The following BLCAP variants were observed in gnomAD, a reference collection of about 807,000 sequenced individuals.
The protein encoded by BLCAP is BLCAP apoptosis inducing factor, also known as apoptosis inducing factor BLCAP.
BLCAP carries 1 observed loss-of-function variant against 5.7 expected under a neutral mutation model. The observed-to-expected ratio is 0.18, with a 90% confidence interval of 0.06 to 0.83. The LOEUF (loss-of-function observed/expected upper bound fraction) is 0.83, where lower values mean the gene tolerates loss of function less well. Ranked by LOEUF, BLCAP falls within the 40% of genes least tolerant of loss-of-function variation. BLCAP has a pLI of 0.71. For synonymous variants in BLCAP, 48 were observed against 49.4 expected (o/e 0.97, Z 0.11); for missense variants, 66 against 107.6 (o/e 0.61, Z 1.71).
At chr20:37,526,061 C>T (rs908194285) in intron 1 of BLCAP, among the ~76,000 whole-genome samples, 1 of 152,098 alleles carries the variant, frequency 6.6e-6, no homozygotes, top group African/African-American at 2.4e-5. Flanking sequence ...ACACTGTTAC[C>T]TTTATCTGTG....
At position 37,521,593 on chromosome 20, in the gene BLCAP, C is replaced by T. The variant is rs573469256; in HGVS notation, c.-176-2243G>A. On this transcript the variant is annotated intron_variant, in intron 1 of 1. Transcript: ENST00000373537. This position sits in a 1 kb window ranked among gnomAD's most constrained non-coding sequence, Gnocchi z 4.5. ...CCTGCGCCGTCCTCCTCGCGCTGACCCTCCCTAGTGCGCCCGCGCCTGCCA... is the reference window on the plus strand; with the variant it reads ...CCTGCGCCGTCCTCCTCGCGCTGACTCTCCCTAGTGCGCCCGCGCCTGCCA... 3 of 617,174 alleles carry T rather than the reference C, an allele frequency of 4.9e-6. No individual in the cohort carries two copies. In the African/African-American group the frequency reaches 5.6e-5, roughly 11 times the overall value. 38.2% of individuals were successfully genotyped at this position (617,174 alleles called of 1,614,324 possible).
rs369908660 is a variant in BLCAP at position 37,521,166 on chromosome 20, C to T, written c.-176-1816G>A. ...GCGAATGAGGAGCGCCCCCAGCCAC[C>T]CCTCCTCATAAACACCCCCCAAGGC... is the stretch of plus-strand genomic sequence containing the variant. On this transcript the variant is annotated intron_variant, in intron 1 of 1. Transcript: ENST00000373537. The surrounding 1 kb of genome is among the most constrained non-coding windows in gnomAD (Gnocchi z 4.5). 3.0e-5 allele frequency: 21 copies of T among 696,786 alleles called. No individual in the cohort carries two copies. In the South Asian group the frequency reaches 3.5e-4, roughly 12 times the overall value. 43.2% of individuals were successfully genotyped at this position (696,786 alleles called of 1,614,324 possible).
Position 37,521,161 on chromosome 20 carries a change from G to C in BLCAP, c.-176-1811C>G. ...TCCTGGCGAATGAGGAGCGCCCCCA[G>C]CCACCCCTCCTCATAAACACCCCCC... On this transcript the variant is annotated intron_variant, in intron 1 of 1. Coordinates refer to ENST00000373537, the MANE Select transcript of BLCAP (RefSeq NM_006698.4). The surrounding 1 kb of genome is among the most constrained non-coding windows in gnomAD (Gnocchi z 4.5). The C allele has an allele frequency of 1.5e-6, 1 of 688,594 alleles. No individual in the cohort carries two copies. Among genetic ancestry groups the C allele is most frequent in the Middle Eastern group, 3.8e-4 (1 of 2,658 alleles). 42.7% of individuals were successfully genotyped at this position (688,594 alleles called of 1,614,324 possible).
chr20:37,519,665 A>G (rs1210795821), intron 1 of BLCAP, among the ~76,000 whole-genome samples: 1 of 152,190 alleles, frequency 6.6e-6, no homozygotes, highest in African/African-American at 2.4e-5. Context: ...GGCCCTGCCC[A>G]GCAGAGATCA....
chr20:37,522,739 A>C (rs780016304), intron 1 of BLCAP: 1 of 1,607,568 alleles, frequency 6.2e-7, no homozygotes, highest in South Asian at 1.1e-5. Flanking sequence ...GGGGGAGCGC[A>C]GGCAGCGAGC....
chr20:37,522,758 G>A (rs1296521075), intron 1 of BLCAP: 1 of 1,598,716 alleles, frequency 6.3e-7, no homozygotes, highest in Non-Finnish European at 8.5e-7. Flanking sequence ...GCCCCCAACT[G>A]AGGCCCCAGC....
At position 37,518,182 on chromosome 20, in the gene BLCAP, G is replaced by C. The variant is rs2071444347; in HGVS notation, c.*729C>G. 6.6e-6 allele frequency: 1 copy of C among 152,286 alleles called. No individual in the cohort carries two copies. The highest frequency in any genetic ancestry group is 2.4e-5 in the African/African-American group (1 of 41,452). 9.4% of individuals were successfully genotyped at this position (152,286 alleles called of 1,614,324 possible). A position where few individuals can be genotyped will look rare whatever the true frequency, so the allele number is the denominator to read the frequency against. On this transcript the variant is annotated 3_prime_UTR_variant, in exon 2 of 2. Coordinates refer to ENST00000373537, the MANE Select transcript of BLCAP (RefSeq NM_006698.4). ...TTGGGACAGTTGAGAAAGGCAGGAG[G>C]AAGGGCAAAGGAAGTGAGGCTGGGC... is the stretch of plus-strand genomic sequence containing the variant.
At position 37,521,228 on chromosome 20, in the gene BLCAP, G is replaced by T; in HGVS notation, c.-176-1878C>A. 8.2e-7 allele frequency: 1 copy of T among 1,223,054 alleles called. No individual in the cohort carries two copies. Among genetic ancestry groups the T allele is most frequent in the East Asian group, 2.3e-5 (1 of 42,652 alleles). The allele number at this position is 1,223,054 out of a possible 1,614,324, so 75.8% of individuals were successfully genotyped here. On this transcript the variant is annotated intron_variant, in intron 1 of 1. Transcript: ENST00000373537. The surrounding 1 kb of genome is among the most constrained non-coding windows in gnomAD (Gnocchi z 4.5). Reference sequence around the variant, plus strand: ...CTTAGGTGGCGGGCGGGTACTTAAGGCGCGGCCACCGCGGCTGCGGCAGTG... The same window carrying T: ...CTTAGGTGGCGGGCGGGTACTTAAGTCGCGGCCACCGCGGCTGCGGCAGTG...
rs2071457214 is a variant in BLCAP at position 37,518,682 on chromosome 20, CAGA to C, written c.*226_*228del. 1.6e-6 allele frequency: 1 copy of C among 610,162 alleles called. No homozygotes were observed. Among genetic ancestry groups the C allele is most frequent in the Admixed American group, 3.2e-5 (1 of 31,722 alleles). The allele number at this position is 610,162 out of a possible 1,614,324, so 37.8% of individuals were successfully genotyped here. On this transcript the variant is annotated 3_prime_UTR_variant, in exon 2 of 2. Transcript: ENST00000373537. ...CGGCCAGCCAGGACCTAGATGGGGACAGAACACACACAACCACAAGACCACCCA... is the reference window on the plus strand; with the variant it reads ...CGGCCAGCCAGGACCTAGATGGGGACACACACACAACCACAAGACCACCCA...
chr20:37,527,367 C>A (rs1399638827), intron 1 of BLCAP, among the ~76,000 whole-genome samples: 1 of 150,682 alleles, frequency 6.6e-6, no homozygotes, highest in Non-Finnish European at 1.5e-5. Context: ...ACCTCCCCCC[C>A]AAAAAAGCAA....
At position 37,522,016 on chromosome 20, in the gene BLCAP, G is replaced by A. The variant is rs182976237; in HGVS notation, c.-176-2666C>T. On this transcript the variant is annotated intron_variant, in intron 1 of 1. Transcript: ENST00000373537. ...AGAAAAGCACTTGGCAGAAAAAAAT[G>A]CATTAGATTAAAAACGCACTGCAGA... 1.6e-3 allele frequency among the ~76,000 whole-genome samples: 247 copies of A among 151,128 alleles called. 1 individual carries two copies. Among genetic ancestry groups the A allele is most frequent in the Non-Finnish European group, 3.1e-3 (208 of 67,824 alleles).
chr20:37,521,539 T>G lies in BLCAP; in HGVS notation c.-176-2189A>C. On this transcript the variant is annotated intron_variant, in intron 1 of 1. Coordinates refer to ENST00000373537, the MANE Select transcript of BLCAP (RefSeq NM_006698.4). This position sits in a 1 kb window ranked among gnomAD's most constrained non-coding sequence, Gnocchi z 4.5. ...CGATCCTTGCCTGCCCAAGTGCCGCTGCCGGCACCGCGCGCCCCCTGCCCA... is the reference window on the plus strand; with the variant it reads ...CGATCCTTGCCTGCCCAAGTGCCGCGGCCGGCACCGCGCGCCCCCTGCCCA... 1.1e-6 allele frequency: 1 copy of G among 880,678 alleles called. No homozygotes were observed. The highest frequency in any genetic ancestry group is 1.5e-5 in the South Asian group (1 of 66,248). The allele number at this position is 880,678 out of a possible 1,614,324, so 54.6% of individuals were successfully genotyped here. A position where few individuals can be genotyped will look rare whatever the true frequency, so the allele number is the denominator to read the frequency against.
chr20:37,525,961 C>G (rs1242844805), intron 1 of BLCAP, among the ~76,000 whole-genome samples: 1 of 152,146 alleles, frequency 6.6e-6, no homozygotes, highest in Non-Finnish European at 1.5e-5. Flanking sequence ...GACTAATACT[C>G]CAGGATGTTA....
intron 1 of BLCAP, chr20:37,522,868 G>A (rs1209933714): frequency 3.1e-6 from 3 of 967,670 alleles, no homozygotes; most frequent in African/African-American, 1.6e-5. Context: ...GTGTTCCCTC[G>A]CCAGAGGAGC....
Position 37,521,734 on chromosome 20 carries a change from G to A in BLCAP, c.-176-2384C>T, listed in dbSNP as rs1028268352. The A allele has an allele frequency of 6.6e-5, 20 of 303,732 alleles. No homozygotes were observed. Among genetic ancestry groups the A allele is most frequent in the African/African-American group, 4.2e-4 (19 of 45,724 alleles). 18.8% of individuals were successfully genotyped at this position (303,732 alleles called of 1,614,324 possible). A position where few individuals can be genotyped will look rare whatever the true frequency, so the allele number is the denominator to read the frequency against. ...CCGGACTCGACCCCAGGAGGGAGGC[G>A]GGGCACTACTGTGTTGAAAGACTTT... is the stretch of plus-strand genomic sequence containing the variant. On this transcript the variant is annotated intron_variant, in intron 1 of 1. Coordinates refer to ENST00000373537, the MANE Select transcript of BLCAP (RefSeq NM_006698.4). The surrounding 1 kb of genome is among the most constrained non-coding windows in gnomAD (Gnocchi z 4.5).
intron 1 of BLCAP, chr20:37,522,814 G>C (rs560845323): frequency 1.4e-6 from 2 of 1,476,134 alleles, no homozygotes; most frequent in Non-Finnish European, 1.8e-6. Flanking sequence ...TGTGCATCTC[G>C]GCCAGCACGG....
chr20:37,526,368 CG>C (rs544300466), intron 1 of BLCAP, among the ~76,000 whole-genome samples: 48 of 151,488 alleles, frequency 3.2e-4, no homozygotes, highest in African/African-American at 9.5e-4. Flanking sequence ...CTTTTCCCCC[CG>C]GTAACCTCTG....
chr20:37,522,463 C>T, intron 1 of BLCAP: 1 of 1,599,426 alleles, frequency 6.3e-7, no homozygotes, highest in Non-Finnish European at 8.6e-7. Flanking sequence ...TGGGTCCAAT[C>T]AGCTTGCCGC....
intron 1 of BLCAP, chr20:37,527,477 C>G (rs1036369499): frequency 6.6e-6 from 1 of 152,252 alleles, no homozygotes; most frequent in African/African-American, 2.4e-5. Flanking sequence ...GGTGGTCGCG[C>G]TCCCAGCCCC....
Sources: gnomAD v4.1 joint callset for allele counts (sites outside exome capture counted in the v4.1 genomes callset) on GRCh38, gnomAD v4.1.1 for gene constraint, Gnocchi (gnomAD v3.1) non-coding constraint, MANE v1.5 for transcripts, NCBI Gene and HGNC (gene_info 2026-07-23, HGNC 2026-07-21) for gene names.